TMEM232: variants seen among roughly 807,000 people sequenced by gnomAD.
TMEM232 encodes the protein transmembrane protein 232.
A neutral mutation model predicts 78.8 loss-of-function variants in TMEM232; 80 were observed. The observed-to-expected ratio is 1.01, with a 90% CI of 0.85 to 1.22. The LOEUF (loss-of-function observed/expected upper bound fraction) is 1.22. Among genes scored for constraint, TMEM232 ranks in the 50% most tolerant of loss-of-function variants. The pLI, the probability that TMEM232 is intolerant of heterozygous loss-of-function variation, is 0.00. For missense variants in TMEM232, 881 were observed against 742.2 expected (o/e 1.19, Z -2.17); for synonymous variants, 297 against 254.3 (o/e 1.17, Z -1.60).
chr5:110,735,028 T>G (rs1456288756), intron 1 of TMEM232: 1 of 152,154 alleles, frequency 6.6e-6, no homozygotes, highest in Non-Finnish European at 1.5e-5. Flanking sequence ...AAAAAAGATA[T>G]AAATAAAATA....
At position 110,420,487 on chromosome 5, in the gene TMEM232, G is replaced by T. The variant is rs575701847; in HGVS notation, c.*93C>A. 603 of 769,658 alleles carry T rather than the reference G, an allele frequency of 7.8e-4. 10 individuals carry two copies. The South Asian group carries it at 0.016, about 20-fold the overall frequency. 47.7% of individuals were successfully genotyped at this position (769,658 alleles called of 1,614,324 possible). A position where few individuals can be genotyped will look rare whatever the true frequency, so the allele number is the denominator to read the frequency against. On this transcript the variant is annotated 3_prime_UTR_variant, in exon 14 of 14. Coordinates refer to ENST00000455884, the MANE Select transcript of TMEM232 (RefSeq NM_001039763.4). ...AATACCTCCATTTAATGACAAGAAA[G>T]TTCTCTTACTATGTAGCTATCTTGG...
intron 12 of TMEM232, among the ~76,000 whole-genome samples, chr5:110,480,532 A>T (rs532525165): frequency 6.6e-6 from 1 of 152,190 alleles, no homozygotes; most frequent in African/African-American, 2.4e-5. Context: ...TTGCTTGAGA[A>T]AGGATTCTGC....
intron 1 of TMEM232, among the ~76,000 whole-genome samples, chr5:110,705,700 A>ATG (rs1302968621): frequency 3.1e-4 from 36 of 117,850 alleles, no homozygotes; most frequent in Admixed American, 2.1e-3. Context: ...TATACAGTAT[A>ATG]TGTGTGTGTA....
chr5:110,571,238 T>C (rs772654526), intron 10 of TMEM232, among the ~76,000 whole-genome samples: 1 of 152,042 alleles, frequency 6.6e-6, no homozygotes, highest in East Asian at 1.9e-4. Flanking sequence ...TCCTAGCATA[T>C]AGCAAAGTGC....
intron 12 of TMEM232, among the ~76,000 whole-genome samples, chr5:110,498,491 T>C (rs1406728785): frequency 6.6e-6 from 1 of 152,062 alleles, no homozygotes; most frequent in Admixed American, 6.6e-5. Flanking sequence ...TTAATTTGAA[T>C]TACCCTTCCA....
At chr5:110,471,238 G>A (rs1024688046) in intron 12 of TMEM232, among the ~76,000 whole-genome samples, 2 of 152,072 alleles carry the variant, frequency 1.3e-5, no homozygotes, top group East Asian at 1.9e-4. Context: ...AAACAGTGAA[G>A]ACAGTATACA....
intron 1 of TMEM232, among the ~76,000 whole-genome samples, chr5:110,669,559 G>A (rs148739154): frequency 1.9e-4 from 29 of 152,258 alleles, no homozygotes; most frequent in African/African-American, 6.5e-4. Context: ...GGTACAAGGC[G>A]GAACTAGTAC....
In TMEM232 at chr5:110,605,137, T is replaced by C. The variant is rs1446291635; in HGVS notation, c.1248A>G (p.Glu416=). ...LKETSILSLL[E]YFSSKMSENC... ...TCTCTGACATTTTTGAAGAGAAATA[T>C]TCCAAAAGACTTAAAATACTTGTTT... The change falls in exon 10 of 14, where the codon GAA becomes GAG. Residue 416 remains glutamate (E), a synonymous_variant. Coordinates refer to ENST00000455884, the MANE Select transcript of TMEM232 (RefSeq NM_001039763.4). 16 of 1,546,368 alleles carry C rather than the reference T, an allele frequency of 1.0e-5. No homozygotes were observed. In the African/African-American group the frequency reaches 2.1e-4, roughly 20 times the overall value.
chr5:110,441,066 C>T (rs1322845544), intron 12 of TMEM232, among the ~76,000 whole-genome samples: 5 of 152,092 alleles, frequency 3.3e-5, no homozygotes, highest in African/African-American at 7.2e-5. Flanking sequence ...ACTGCTTTGA[C>T]GCAGGTATGT....
At chr5:110,470,718 G>C (rs1446641727) in intron 12 of TMEM232, among the ~76,000 whole-genome samples, 1 of 152,036 alleles carries the variant, frequency 6.6e-6, no homozygotes, top group Non-Finnish European at 1.5e-5. Context: ...AGGACATTAA[G>C]ACCCATTTTC....
At chr5:110,492,747 C>T (rs191659400) in intron 12 of TMEM232, among the ~76,000 whole-genome samples, 1 of 152,026 alleles carries the variant, frequency 6.6e-6, no homozygotes, top group Admixed American at 6.6e-5. Context: ...AGAACCAATA[C>T]TCTACAGAGA....
intron 12 of TMEM232, among the ~76,000 whole-genome samples, chr5:110,488,477 G>A (rs180785097): frequency 6.6e-6 from 1 of 152,124 alleles, no homozygotes; most frequent in Admixed American, 6.6e-5. Flanking sequence ...TACTAAATAA[G>A]CAATTGGTTC....
At chr5:110,547,859 A>G (rs915443321) in intron 11 of TMEM232, among the ~76,000 whole-genome samples, 47 of 151,828 alleles carry the variant, frequency 3.1e-4, no homozygotes, top group African/African-American at 1.1e-3. Context: ...TTAGCCAGGC[A>G]TGGTGGTGCA....
intron 12 of TMEM232, among the ~76,000 whole-genome samples, chr5:110,495,818 GTTTT>G (rs911189233): frequency 6.7e-6 from 1 of 149,754 alleles, no homozygotes; most frequent in Non-Finnish European, 1.5e-5. Flanking sequence ...TGATCTTCTG[GTTTT>G]TTTTTAATAA....
intron 10 of TMEM232, among the ~76,000 whole-genome samples, chr5:110,583,362 T>G (rs183159417): frequency 1.4e-4 from 21 of 152,096 alleles, no homozygotes; most frequent in Non-Finnish European, 8.8e-5. Context: ...CAACTGATAT[T>G]CTACATGAGT....
At chr5:110,734,158 G>A (rs1798945161) in intron 2 of TMEM232, among the ~76,000 whole-genome samples, 1 of 152,230 alleles carries the variant, frequency 6.6e-6, no homozygotes. Flanking sequence ...TAAAATACAA[G>A]TATTTATTTT....
rs576031985 is a variant in TMEM232 at position 110,711,531 on chromosome 5, T to C, written c.-13+15096A>G. Among the ~76,000 whole-genome samples the C allele has an allele frequency of 1.1e-3, 166 of 152,178 alleles. 1 individual carries two copies. The highest frequency in any genetic ancestry group is 3.9e-3 in the African/African-American group (163 of 41,528). ...AAATTATACTACAGAGCTTCAAATA[T>C]ACTTCAAATTATACTATAGGAACCA... On this transcript the variant is annotated intron_variant, in intron 1 of 13. Transcript: ENST00000455884.
chr5:110,517,837 C>T (rs78462933), intron 12 of TMEM232, among the ~76,000 whole-genome samples: 159 of 152,320 alleles, frequency 1.0e-3, no homozygotes, highest in African/African-American at 3.6e-3. Flanking sequence ...ATTTAATGAA[C>T]TGCAGGCTCT....
intron 2 of TMEM232, among the ~76,000 whole-genome samples, chr5:110,666,487 C>G (rs958271504): frequency 6.6e-6 from 1 of 152,050 alleles, no homozygotes; most frequent in African/African-American, 2.4e-5. Context: ...TTACCTACAT[C>G]CTATTAGTAA....
Sources: gnomAD v4.1 joint callset for allele counts (sites outside exome capture counted in the v4.1 genomes callset) on GRCh38, gnomAD v4.1.1 for gene constraint, MANE v1.5 for transcripts, NCBI Gene and HGNC (gene_info 2026-07-23, HGNC 2026-07-21) for gene names.